Variants in KLF13 observed in about 807,000 individuals in gnomAD.
KLF13 encodes KLF transcription factor 13, also known as Krueppel-like factor 13.
In KLF13, 8 loss-of-function variants were observed where a neutral mutation model predicts 16.7. That is an observed-to-expected ratio of 0.48 (90% CI 0.28 to 0.87). The LOEUF (loss-of-function observed/expected upper bound fraction) is 0.87. Among genes scored for constraint, KLF13 ranks in the 40% least tolerant of loss-of-function variants. The pLI, the probability that KLF13 is intolerant of heterozygous loss-of-function variation, is 0.10. For synonymous variants in KLF13, 245 were observed against 208.4 expected, an observed-to-expected ratio of 1.18 and a Z score of -1.51; for missense variants, 447 against 452.2, an observed-to-expected ratio of 0.99 and a Z score of 0.10.
intron 1 of KLF13, among the ~76,000 whole-genome samples, chr15:31,344,584 G>GGGGCCCTGTTTCTCTTCTGGCC (rs1304675428): frequency 6.6e-6 from 1 of 152,238 alleles, no homozygotes; most frequent in African/African-American, 2.4e-5. Context: ...GGCCAGGCCA[G>GGGGCCCTGTTTCTCTTCTGGCC]GGGCCCTGTT....
At chr15:31,368,039 T>G in intron 1 of KLF13, among the ~76,000 whole-genome samples, 1 of 149,428 alleles carries the variant, frequency 6.7e-6, no homozygotes, top group South Asian at 2.2e-4. Flanking sequence ...CTTGCTGCCT[T>G]CCCCGTCTCC....
intron 1 of KLF13, among the ~76,000 whole-genome samples, chr15:31,332,619 A>G (rs1242251782): frequency 1.3e-5 from 2 of 152,240 alleles, no homozygotes; most frequent in Non-Finnish European, 2.9e-5. Context: ...TCTGGAACAC[A>G]GCAGAGATGG....
Position 31,372,352 on chromosome 15 carries a change from T to G in KLF13, c.*53T>G. 1 of 1,394,698 alleles carries G rather than the reference T, an allele frequency of 7.2e-7. No homozygotes were observed. The highest frequency in any genetic ancestry group is 1.6e-5 in the South Asian group (1 of 61,214). The allele number at this position is 1,394,698 out of a possible 1,614,324, so 86.4% of individuals were successfully genotyped here. On this transcript the variant is annotated 3_prime_UTR_variant, in exon 2 of 2. Coordinates refer to ENST00000307145, the MANE Select transcript of KLF13 (RefSeq NM_015995.4). ...CCACCCCCTCGTGAGTCCCTGGCCTTTCCTTTTGTAATAAGAAAGAAGAGA... is the reference window on the plus strand; with the variant it reads ...CCACCCCCTCGTGAGTCCCTGGCCTGTCCTTTTGTAATAAGAAAGAAGAGA...
chr15:31,426,393 G>A (rs1440114703), intron 1 of KLF13, among the ~76,000 whole-genome samples: 4 of 152,142 alleles, frequency 2.6e-5, no homozygotes, highest in Non-Finnish European at 5.9e-5. Context: ...CCTGACATTG[G>A]ACTTGGCAAT....
intron 1 of KLF13, among the ~76,000 whole-genome samples, chr15:31,359,626 C>T (rs1177751444): frequency 6.6e-6 from 1 of 152,236 alleles, no homozygotes; most frequent in Non-Finnish European, 1.5e-5. Flanking sequence ...ACACACAAAT[C>T]CCATCTTCCT....
At chr15:31,390,028 C>T (rs1027547956), upstream of KLF13, among the ~76,000 whole-genome samples, 14 of 152,104 alleles carry the variant, frequency 9.2e-5, no homozygotes, top group Non-Finnish European at 1.9e-4. Flanking sequence ...ATACATTTTC[C>T]CTATAGCTTT....
At chr15:31,338,461 G>T (rs2038968018) in intron 1 of KLF13, among the ~76,000 whole-genome samples, 1 of 152,228 alleles carries the variant, frequency 6.6e-6, no homozygotes, top group African/African-American at 2.4e-5. Flanking sequence ...CTGGCCAGGT[G>T]GTGCGGGCTG....
chr15:31,333,804 C>T (rs948550001), intron 1 of KLF13, among the ~76,000 whole-genome samples: 7 of 152,094 alleles, frequency 4.6e-5, no homozygotes, highest in African/African-American at 1.2e-4. Flanking sequence ...TATTATGTTA[C>T]GCTGGCATTT....
In KLF13 at chr15:31,428,593, T is replaced by C. The variant is rs1156737503; in HGVS notation, n.118-6777T>C. ...AGTCCGAGGCGGGCAGATCACAAGG[T>C]CAGGAGATCAAGACCATCCTGGCTA... On this transcript the variant is annotated intron_variant and non_coding_transcript_variant, in intron 1 of 1. Transcript: ENST00000558225. Among the ~76,000 whole-genome samples the C allele has an allele frequency of 4.0e-5, 6 of 151,148 alleles. 1 individual carries two copies. The highest frequency in any genetic ancestry group is 8.8e-5 in the Non-Finnish European group (6 of 67,840).
intron 1 of KLF13, among the ~76,000 whole-genome samples, chr15:31,360,597 G>A (rs749917071): frequency 4.6e-5 from 7 of 152,162 alleles, no homozygotes; most frequent in Admixed American, 1.3e-4. Context: ...GGCTGCTGCA[G>A]GAGAGGTCTG....
chr15:31,405,256 G>C (rs1242884887), downstream of KLF13, among the ~76,000 whole-genome samples: 1 of 152,178 alleles, frequency 6.6e-6, no homozygotes, highest in Non-Finnish European at 1.5e-5. Context: ...AGCGATTGCA[G>C]TGAGCCGAGA....
chr15:31,352,243 C>T (rs969929829), intron 1 of KLF13, among the ~76,000 whole-genome samples: 2 of 152,204 alleles, frequency 1.3e-5, no homozygotes, highest in African/African-American at 4.8e-5. Context: ...GCCTTGGATG[C>T]CGGGTCCTGA....
downstream of KLF13, among the ~76,000 whole-genome samples, chr15:31,408,989 TA>T (rs1277358704): frequency 6.6e-6 from 1 of 152,064 alleles, no homozygotes; most frequent in Non-Finnish European, 1.5e-5. Flanking sequence ...CAAACAGTTT[TA>T]AAAAAACAAA....
At chr15:31,395,423 C>T (rs575773819) in intron 2 of KLF13, among the ~76,000 whole-genome samples, 7 of 152,288 alleles carry the variant, frequency 4.6e-5, no homozygotes, top group Non-Finnish European at 1.0e-4. Flanking sequence ...TGTGTACAAG[C>T]TTCTGTGTAG....
chr15:31,433,572 T>C (rs7403010), intron 1 of KLF13, among the ~76,000 whole-genome samples: 35,318 of 152,074 alleles, frequency 0.23, 4,692 homozygotes, highest in East Asian at 0.44. Flanking sequence ...GCCAGGACTG[T>C]TGAAGAACTC....
At chr15:31,362,754 T>C (rs1022333568) in intron 1 of KLF13, among the ~76,000 whole-genome samples, 7 of 152,230 alleles carry the variant, frequency 4.6e-5, no homozygotes, top group African/African-American at 1.7e-4. Flanking sequence ...CTGTTCCTAC[T>C]TTCCTAGGGA....
At chr15:31,347,783 C>G (rs2039148101) in intron 1 of KLF13, among the ~76,000 whole-genome samples, 1 of 152,252 alleles carries the variant, frequency 6.6e-6, no homozygotes, top group South Asian at 2.1e-4. Flanking sequence ...TCCACCCCCT[C>G]CAGCCTCTGG....
At chr15:31,358,722 C>T (rs963740912) in intron 1 of KLF13, among the ~76,000 whole-genome samples, 2 of 152,212 alleles carry the variant, frequency 1.3e-5, no homozygotes, top group African/African-American at 2.4e-5. Context: ...TGGATTCCAA[C>T]CTCATATTCC....
chr15:31,375,796 A>G lies in KLF13; in HGVS notation c.*3497A>G, dbSNP rs2039633996. 6.6e-6 allele frequency: 1 copy of G among 152,248 alleles called. No homozygotes were observed. Among genetic ancestry groups the G allele is most frequent in the South Asian group, 2.1e-4 (1 of 4,830 alleles). 9.4% of individuals were successfully genotyped at this position (152,248 alleles called of 1,614,324 possible). A position where few individuals can be genotyped will look rare whatever the true frequency, so the allele number is the denominator to read the frequency against. ...TGCAGGATGCTGCATAGGAATGGGC[A>G]GAGATGTCCTGGATGGGAACATGGT... On this transcript the variant is annotated 3_prime_UTR_variant, in exon 2 of 2. Transcript: ENST00000307145.
Sources: gnomAD v4.1 joint callset for allele counts (sites outside exome capture counted in the v4.1 genomes callset) on GRCh38, gnomAD v4.1.1 for gene constraint, MANE v1.5 for transcripts, NCBI Gene and HGNC (gene_info 2026-07-23, HGNC 2026-07-21) for gene names.